The following ANK1 variants were observed in gnomAD, a reference collection of about 807,000 sequenced individuals.
ANK1 encodes ankyrin-1.
A neutral mutation model predicts 210.4 loss-of-function variants in ANK1; 51 were observed. That is an observed-to-expected ratio of 0.24 (90% CI 0.19 to 0.31). The LOEUF (loss-of-function observed/expected upper bound fraction) is 0.31. Ranked by LOEUF, ANK1 falls within the 10% of genes least tolerant of loss-of-function variation. The pLI is 1.00. For missense variants in ANK1, 2,051 were observed against 2,504.4 expected, an observed-to-expected ratio of 0.82 and a Z score of 3.86; for synonymous variants, 967 against 1,025.9, an observed-to-expected ratio of 0.94 and a Z score of 1.10.
intron 1 of ANK1, among the ~76,000 whole-genome samples, chr8:41,872,103 T>C (rs1340757601): frequency 3.3e-5 from 5 of 152,232 alleles, no homozygotes; most frequent in African/African-American, 9.6e-5. Flanking sequence ...CGAGCCAGCA[T>C]TGCCCAAGCT....
At chr8:41,763,890 T>C (rs1388312279) in intron 1 of ANK1, among the ~76,000 whole-genome samples, 1 of 19,088 alleles carries the variant, frequency 5.2e-5, no homozygotes, top group Non-Finnish European at 1.3e-4. Flanking sequence ...TCTTTTTTTC[T>C]TTTTTTTTTT....
chr8:41,741,579 GA>G (rs11380785), intron 2 of ANK1, among the ~76,000 whole-genome samples: 1,867 of 141,188 alleles, frequency 0.013, 36 homozygotes, highest in African/African-American at 0.046. Flanking sequence ...GACCTTACCT[GA>G]AAAAAAAAAA....
chr8:41,679,348 G>C (rs1815184899), intron 37 of ANK1, among the ~76,000 whole-genome samples: 1 of 152,104 alleles, frequency 6.6e-6, no homozygotes, highest in South Asian at 2.1e-4. Context: ...TATCAGGGAG[G>C]ACTGGAGCTT....
intron 37 of ANK1, among the ~76,000 whole-genome samples, chr8:41,678,806 A>G (rs1042215702): frequency 6.6e-6 from 1 of 152,208 alleles, no homozygotes; most frequent in African/African-American, 2.4e-5. Flanking sequence ...GTTTTGAGAC[A>G]GAGTCTCGCT....
chr8:41,657,370 C>A (rs1806112280), intron 42 of ANK1, among the ~76,000 whole-genome samples: 1 of 152,124 alleles, frequency 6.6e-6, no homozygotes, highest in Non-Finnish European at 1.5e-5. Flanking sequence ...AGTAATAGGG[C>A]CTACCCATTA....
upstream of ANK1, among the ~76,000 whole-genome samples, chr8:41,799,874 G>A (rs538003305): frequency 8.5e-5 from 13 of 152,204 alleles, no homozygotes; most frequent in Admixed American, 3.3e-4. Flanking sequence ...TCAGGGAGCC[G>A]GACTCACGAT....
intron 1 of ANK1, among the ~76,000 whole-genome samples, chr8:41,822,807 A>C (rs1156577197): frequency 6.6e-6 from 1 of 152,214 alleles, no homozygotes; most frequent in East Asian, 1.9e-4. Flanking sequence ...TCACATGGTC[A>C]AGAGCCAGCA....
chr8:41,740,003 T>C (rs1834360227), intron 2 of ANK1, among the ~76,000 whole-genome samples: 1 of 152,080 alleles, frequency 6.6e-6, no homozygotes, highest in Non-Finnish European at 1.5e-5. Flanking sequence ...GCTCTGTACA[T>C]CTGGCCCTCT....
intron 1 of ANK1, among the ~76,000 whole-genome samples, chr8:41,808,712 C>T (rs1348545012): frequency 6.6e-6 from 1 of 152,040 alleles, no homozygotes; most frequent in African/African-American, 2.4e-5. Context: ...AGAATGTTTG[C>T]TGTTTCATTT....
chr8:41,692,617 C>T (rs908709150), intron 31 of ANK1, 31 bp downstream of exon 31: 8 of 1,596,870 alleles, frequency 5.0e-6, no homozygotes, highest in Non-Finnish European at 8.6e-7. Context: ...ACGGTTTGTC[C>T]CAGAGGCGGT....
intron 1 of ANK1, among the ~76,000 whole-genome samples, chr8:41,820,910 G>C (rs896403050): frequency 6.6e-6 from 1 of 152,202 alleles, no homozygotes; most frequent in Non-Finnish European, 1.5e-5. Flanking sequence ...AGGGCGAGGG[G>C]AGGAAATGTA....
chr8:41,715,390 A>G (rs1256629432), intron 14 of ANK1, among the ~76,000 whole-genome samples: 1 of 152,228 alleles, frequency 6.6e-6, no homozygotes, highest in Non-Finnish European at 1.5e-5. Context: ...TGCCCAAAGC[A>G]GGTTTCGACT....
intron 38 of ANK1, among the ~76,000 whole-genome samples, chr8:41,670,186 G>C (rs953900049): frequency 6.6e-6 from 1 of 151,914 alleles, no homozygotes; most frequent in African/African-American, 2.4e-5. Flanking sequence ...TAGTTTCCCT[G>C]CTAGAACCAC....
chr8:41,884,536 C>T (rs1422492784), intron 1 of ANK1, among the ~76,000 whole-genome samples: 1 of 151,984 alleles, frequency 6.6e-6, no homozygotes, highest in African/African-American at 2.4e-5. Flanking sequence ...GGAGGTGAAG[C>T]TTAAAGGATG....
intron 6 of ANK1, among the ~76,000 whole-genome samples, chr8:41,724,861 T>G (rs1261787167): frequency 6.6e-6 from 1 of 152,128 alleles, no homozygotes; most frequent in Non-Finnish European, 1.5e-5. Context: ...GCTATGGTCT[T>G]TTTTTCCTCC....
chr8:41,690,971 C>G (rs188390193), intron 31 of ANK1, among the ~76,000 whole-genome samples: 1 of 152,298 alleles, frequency 6.6e-6, no homozygotes, highest in East Asian at 1.9e-4. Flanking sequence ...GCCTGTAATC[C>G]CTCCACTTTA....
intron 38 of ANK1, 59 bp from the exon 39 acceptor site, chr8:41,668,623 A>C: frequency 6.5e-7 from 1 of 1,537,134 alleles, no homozygotes; most frequent in Non-Finnish European, 8.9e-7. Flanking sequence ...ACACCTGGTC[A>C]CCCATCAGTC....
At chr8:41,689,697 A>C (rs1466852766) in intron 33 of ANK1, among the ~76,000 whole-genome samples, 1 of 151,824 alleles carries the variant, frequency 6.6e-6, no homozygotes, top group Non-Finnish European at 1.5e-5. Context: ...CGTGGCCAAG[A>C]CTCCTTTGCT....
chr8:41,846,421 C>G, intron 1 of ANK1, among the ~76,000 whole-genome samples: 1 of 152,246 alleles, frequency 6.6e-6, no homozygotes, highest in African/African-American at 2.4e-5. Flanking sequence ...GATGGCAGAG[C>G]TCTGCCAAGG....
Sources: gnomAD v4.1 joint callset for allele counts (sites outside exome capture counted in the v4.1 genomes callset) on GRCh38, gnomAD v4.1.1 for gene constraint, MANE v1.5 for transcripts, NCBI Gene and HGNC (gene_info 2026-07-23, HGNC 2026-07-21) for gene names.